Variants in ARL10 observed in about 807,000 individuals in gnomAD.
ARL10 encodes ARF like GTPase 10, also known as ADP-ribosylation factor-like protein 10.
In ARL10, 23 loss-of-function variants were observed where a neutral mutation model predicts 26.1. The ratio of observed to expected loss-of-function variants is 0.88; its 90% CI spans 0.63 to 1.25. ARL10 has a LOEUF of 1.25. Among genes scored for constraint, ARL10 ranks in the 50% most tolerant of loss-of-function variants. The pLI, the probability that ARL10 is intolerant of heterozygous loss-of-function variation, is 0.00. For missense variants in ARL10, 300 were observed against 323.6 expected, an observed-to-expected ratio of 0.93 and a Z score of 0.56; for synonymous variants, 138 against 149.1, an observed-to-expected ratio of 0.93 and a Z score of 0.54.
At chr5:176,386,569 T>G, downstream of ARL10, 2 of 514,084 alleles carry the variant, frequency 3.9e-6, no homozygotes, top group East Asian at 3.8e-5. Flanking sequence ...TGCCAGAGAT[T>G]TACTGGTTTC....
chr5:176,371,862 C>T lies in ARL10; in HGVS notation c.702C>T (p.His234=), dbSNP rs377383664. 3.1e-6 allele frequency: 5 copies of T among 1,614,072 alleles called. No homozygotes were observed. The African/African-American group carries it at 5.3e-5, about 17-fold the overall frequency. Residue 234 remains histidine, a synonymous_variant, in exon 4 of 4, where the codon CAC becomes CAT. Coordinates refer to ENST00000310389, the MANE Select transcript of ARL10 (RefSeq NM_173664.6). The part of the protein sequence containing the change: ...GPTFEEPGTV[H]IWKLLLELLS ...CCTTTGAAGAGCCTGGCACCGTGCA[C>T]ATCTGGAAACTGCTCTTGGAGCTCC...
chr5:176,389,598 G>A, downstream of ARL10: 1 of 1,291,144 alleles, frequency 7.7e-7, no homozygotes, highest in Non-Finnish European at 1.1e-6. Context: ...TCCTTTGAGA[G>A]GCCCATGTGT....
At chr5:176,403,845 C>T (rs1172392892), downstream of ARL10, among the ~76,000 whole-genome samples, 2 of 152,274 alleles carry the variant, frequency 1.3e-5, no homozygotes, top group Admixed American at 1.3e-4. Context: ...CTGAAACCTC[C>T]GCCTTTCCGG....
At chr5:176,403,208 C>T (rs1202065883), downstream of ARL10, among the ~76,000 whole-genome samples, 2 of 151,996 alleles carry the variant, frequency 1.3e-5, no homozygotes, top group Non-Finnish European at 1.5e-5. Context: ...TGCCACCACA[C>T]CTGGCTACTT....
In ARL10 at chr5:176,368,004, C is replaced by T. The variant is rs924196607; in HGVS notation, c.386-803C>T. Reference sequence around the variant, plus strand: ...TCAGTAAATATTTGTTGAGTGCCTGCTATGTGCCAGGCATTGTGCTGAGGG... The same window carrying T: ...TCAGTAAATATTTGTTGAGTGCCTGTTATGTGCCAGGCATTGTGCTGAGGG... On this transcript the variant is annotated intron_variant, in intron 2 of 3. Coordinates refer to ENST00000310389, the MANE Select transcript of ARL10 (RefSeq NM_173664.6). The surrounding 1 kb of genome is among the most constrained non-coding windows in gnomAD (Gnocchi z 4.1). 7 of 526,256 alleles carry T rather than the reference C, an allele frequency of 1.3e-5. No individual in the cohort carries two copies. The highest frequency in any genetic ancestry group is 2.7e-5 in the Non-Finnish European group (7 of 259,752). 32.6% of individuals were successfully genotyped at this position (526,256 alleles called of 1,614,324 possible). A position where few individuals can be genotyped will look rare whatever the true frequency, so the allele number is the denominator to read the frequency against.
chr5:176,365,570 C>T lies in ARL10; in HGVS notation c.7C>T (p.Pro3Ser). Residue 3 changes from proline to serine, a missense_variant, in exon 1 of 4, where the codon CCG (proline) becomes TCG (serine). Physicochemically the swap from Pro to Ser is moderately conservative, Grantham distance 74. Transcript: ENST00000310389. MA[P>S]RPLGPLVLAL... ...GCGTCCCTCGCCCGGCCCGATGGCG[C>T]CGCGGCCGCTGGGCCCCTTGGTGCT... is the stretch of plus-strand genomic sequence containing the variant. 8.1e-7 allele frequency: 1 copy of T among 1,234,302 alleles called. No homozygotes were observed. The highest frequency in any genetic ancestry group is 1.0e-6 in the Non-Finnish European group (1 of 988,884). 76.5% of individuals were successfully genotyped at this position (1,234,302 alleles called of 1,614,324 possible). A position where few individuals can be genotyped will look rare whatever the true frequency, so the allele number is the denominator to read the frequency against.
chr5:176,382,638 T>C (rs1755580200), downstream of ARL10, among the ~76,000 whole-genome samples: 1 of 152,134 alleles, frequency 6.6e-6, no homozygotes, highest in South Asian at 2.1e-4. Flanking sequence ...TCACCAGAGA[T>C]AGCTTCCTGG....
intron 1 of ARL10, among the ~76,000 whole-genome samples, chr5:176,394,600 G>A (rs530742416): frequency 2.0e-4 from 29 of 147,762 alleles, no homozygotes; most frequent in Admixed American, 3.3e-4. Context: ...GGCGGATCAC[G>A]AGGTCAGATG....
intron 1 of ARL10, among the ~76,000 whole-genome samples, chr5:176,387,144 C>A (rs1253708667): frequency 6.6e-6 from 1 of 151,852 alleles, no homozygotes; most frequent in African/African-American, 2.4e-5. Context: ...AATGCAGTGG[C>A]ACAATCTTGG....
intron 1 of ARL10, among the ~76,000 whole-genome samples, chr5:176,395,685 C>A (rs148153207): frequency 1.2e-4 from 18 of 152,120 alleles, no homozygotes; most frequent in Non-Finnish European, 2.6e-4. Flanking sequence ...GACCCCAAAC[C>A]TGAAACATGT....
downstream of ARL10, chr5:176,405,503 A>AAAAAAAG (rs1757061533): frequency 6.9e-6 from 1 of 143,918 alleles, no homozygotes; most frequent in African/African-American, 2.5e-5. Flanking sequence ...AAAAAAAAAA[A>AAAAAAAG]AAAAAGAAAA....
chr5:176,385,398 C>T (rs1755761877), downstream of ARL10: 6 of 890,000 alleles, frequency 6.7e-6, no homozygotes, highest in East Asian at 2.4e-5. Flanking sequence ...GCTGTCCAAT[C>T]ACCCCTTCAC....
intron 1 of ARL10, among the ~76,000 whole-genome samples, chr5:176,388,005 G>A (rs2113599125): frequency 6.6e-6 from 1 of 152,320 alleles, no homozygotes; most frequent in South Asian, 2.1e-4. Flanking sequence ...TAATTTCAGA[G>A]AAAAAAGACT....
Position 176,376,724 on chromosome 5 carries a change from TTTACC to T in ARL10, c.*4833_*4837del, listed in dbSNP as rs1768701744. On this transcript the variant is annotated 3_prime_UTR_variant, in exon 4 of 4. Transcript: ENST00000310389. ...CTGGGGAAAAACTTCCCTGGTTAGC[TTTACC>T]TTAAAGTCTCCAACAGGTGTGTAGT... The T allele has an allele frequency of 6.6e-6, 1 of 152,204 alleles. No homozygotes were observed. The highest frequency in any genetic ancestry group is 1.5e-5 in the Non-Finnish European group (1 of 68,042). 9.4% of individuals were successfully genotyped at this position (152,204 alleles called of 1,614,324 possible). A position where few individuals can be genotyped will look rare whatever the true frequency, so the allele number is the denominator to read the frequency against.
the ARL10 span, among the ~76,000 whole-genome samples, chr5:176,415,057 G>A: frequency 6.6e-5 from 10 of 152,124 alleles, no homozygotes; most frequent in Non-Finnish European, 1.3e-4. Flanking sequence ...AACCTGTTTT[G>A]GATGTACCCA....
intron 2 of ARL10, 102 bp downstream of exon 2, chr5:176,366,683 T>A (rs925194519): frequency 6.7e-6 from 9 of 1,340,662 alleles, no homozygotes; most frequent in Non-Finnish European, 9.2e-6. Context: ...AAGCAGCACA[T>A]TCCCCTCTAC....
downstream of ARL10, chr5:176,384,078 C>G (rs776470859): frequency 2.5e-6 from 4 of 1,588,856 alleles, no homozygotes; most frequent in Non-Finnish European, 1.7e-6. Context: ...TTCCCCAGAG[C>G]GGGGAGTGTG....
At chr5:176,388,761 A>C (rs1476789497), downstream of ARL10, 6 of 1,582,664 alleles carry the variant, frequency 3.8e-6, no homozygotes, top group African/African-American at 6.8e-5. Context: ...CCCTTTCATG[A>C]CCTTCACCGG....
In ARL10 at chr5:176,365,643, T is replaced by C. The variant is rs1768256479; in HGVS notation, c.80T>C (p.Leu27Pro). The C allele has an allele frequency of 8.0e-7, 1 of 1,257,520 alleles. No homozygotes were observed. Among genetic ancestry groups the C allele is most frequent in the African/African-American group, 1.5e-5 (1 of 64,610 alleles). 77.9% of individuals were successfully genotyped at this position (1,257,520 alleles called of 1,614,324 possible). A position where few individuals can be genotyped will look rare whatever the true frequency, so the allele number is the denominator to read the frequency against. The change falls in exon 1 of 4, where the codon CTC (leucine) becomes CCC (proline). Residue 27 changes from leucine to proline, a missense_variant. Transcript: ENST00000310389. ...AAVLGSVLFI[L>P]WKTYFGRGRE... ...GTGCTGGGCTCGGTGCTCTTCATCC[T>C]CTGGAAGACCTACTTCGGCCGCGGC...
Sources: gnomAD v4.1 joint callset for allele counts (sites outside exome capture counted in the v4.1 genomes callset) on GRCh38, gnomAD v4.1.1 for gene constraint, Gnocchi (gnomAD v3.1) non-coding constraint, MANE v1.5 for transcripts, NCBI Gene and HGNC (gene_info 2026-07-23, HGNC 2026-07-21) for gene names.